The following INTS9 variants were observed in gnomAD, a reference collection of about 807,000 sequenced individuals.
INTS9 encodes the protein integrator complex subunit 9, also known as protein related to CPSF subunits of 74 kDa.
INTS9 carries 55 observed loss-of-function variants against 79.7 expected under a neutral mutation model. The ratio of observed to expected loss-of-function variants is 0.69; its 90% CI spans 0.56 to 0.86. The LOEUF (loss-of-function observed/expected upper bound fraction) is 0.86. Among genes scored for constraint, INTS9 ranks in the 40% least tolerant of loss-of-function variants. The pLI, the probability that INTS9 is intolerant of heterozygous loss-of-function variation, is 0.00. For synonymous variants in INTS9, 319 were observed against 325.2 expected, an observed-to-expected ratio of 0.98 and a Z score of 0.20; for missense variants, 721 against 831.5, an observed-to-expected ratio of 0.87 and a Z score of 1.64.
At position 28,796,792 on chromosome 8, in the gene INTS9, T is replaced by G; in HGVS notation, c.745-137A>C. On this transcript the variant is annotated intron_variant, in intron 8 of 16. Coordinates refer to ENST00000521022, the MANE Select transcript of INTS9 (RefSeq NM_018250.4). ...GAGTTCTCTTATGTTCTCTAAGGAA[T>G]AGTCTGTCCTTAACCACTGGCTGCC... The G allele has an allele frequency of 6.2e-6, 4 of 646,704 alleles. No individual in the cohort carries two copies. The Admixed American group carries it at 9.1e-5, about 15-fold the overall frequency. The allele number at this position is 646,704 out of a possible 1,614,324, so 40.1% of individuals were successfully genotyped here. A position where few individuals can be genotyped will look rare whatever the true frequency, so the allele number is the denominator to read the frequency against.
intron 3 of INTS9, among the ~76,000 whole-genome samples, chr8:28,849,216 G>GTAAA (rs1807691996): frequency 6.6e-6 from 1 of 152,142 alleles, no homozygotes; most frequent in Non-Finnish European, 1.5e-5. Context: ...ACTAAGAATT[G>GTAAA]GCCTGAGGGG....
At chr8:28,855,018 TTCAGTCCTTCTCAC>T (rs1241927700) in intron 2 of INTS9, among the ~76,000 whole-genome samples, 4 of 152,178 alleles carry the variant, frequency 2.6e-5, no homozygotes, top group Non-Finnish European at 1.5e-5. Flanking sequence ...AGCAGGTTCC[TTCAGTCCTTCTCAC>T]CATGAACATC....
chr8:28,775,704 T>C lies in INTS9; in HGVS notation c.1563+55A>G. 18 of 1,579,454 alleles carry C rather than the reference T, an allele frequency of 1.1e-5. 2 individuals carry two copies. In the South Asian group the frequency reaches 2.0e-4, roughly 18 times the overall value. Reference sequence around the variant, plus strand: ...AAAAGAAGGCCACCCCTGCACGATCTCCAAGAGCCTCTGTGGAAAGCTCTA... The same window carrying C: ...AAAAGAAGGCCACCCCTGCACGATCCCCAAGAGCCTCTGTGGAAAGCTCTA... On this transcript the variant is annotated intron_variant, in intron 14 of 16. Transcript: ENST00000521022.
chr8:28,796,491 T>C lies in INTS9; in HGVS notation c.856+53A>G, dbSNP rs1804222005. On this transcript the variant is annotated intron_variant, in intron 9 of 16. Coordinates refer to ENST00000521022, the MANE Select transcript of INTS9 (RefSeq NM_018250.4). ...TTGTAAAATATTATATTTATTATTG[T>C]AAAATAAATGCAAGATAGATCATCC... 4 of 988,488 alleles carry C rather than the reference T, an allele frequency of 4.0e-6. No homozygotes were observed. The East Asian group carries it at 9.8e-5, about 24-fold the overall frequency. The allele number at this position is 988,488 out of a possible 1,614,324, so 61.2% of individuals were successfully genotyped here.
intron 2 of INTS9, among the ~76,000 whole-genome samples, chr8:28,855,493 A>G (rs1808100766): frequency 6.6e-6 from 1 of 152,242 alleles, no homozygotes. Context: ...AGTAACCCCA[A>G]CCTAATCATG....
In INTS9 at chr8:28,845,668, G is replaced by A. The variant is rs138266898; in HGVS notation, c.261+1079C>T. 1.9e-3 allele frequency among the ~76,000 whole-genome samples: 296 copies of A among 152,298 alleles called. 1 individual carries two copies. The highest frequency in any genetic ancestry group is 6.5e-3 in the African/African-American group (272 of 41,566). Reference sequence around the variant, plus strand: ...AGGATTAGGAATCTTCAAACAGATGGGGAATCACCCTACCAATTCCTAAGT... The same window carrying A: ...AGGATTAGGAATCTTCAAACAGATGAGGAATCACCCTACCAATTCCTAAGT... On this transcript the variant is annotated intron_variant, in intron 4 of 16. Transcript: ENST00000521022.
chr8:28,846,609 G>A (rs1170544094), intron 4 of INTS9, 138 bp downstream of exon 4: 1 of 662,358 alleles, frequency 1.5e-6, no homozygotes, highest in Admixed American at 2.5e-5. Context: ...TTTTGGCTGT[G>A]TAACAATGTG....
At chr8:28,853,296 C>A (rs371682631) in intron 2 of INTS9, among the ~76,000 whole-genome samples, 6 of 151,664 alleles carry the variant, frequency 4.0e-5, no homozygotes, top group Admixed American at 3.9e-4. Context: ...GCCTATAATC[C>A]CAGCTACTTG....
Position 28,859,492 on chromosome 8 carries a change from G to A in INTS9, c.81C>T (p.Asp27=). The change falls in exon 2 of 17, where the codon GAC becomes GAT. Residue 27 remains aspartate, a synonymous_variant. Transcript: ENST00000521022. ...LKFKSTTIML[D]CGLDMTSTLN... is the part of the protein sequence containing the mutation. ...GGGTAGAAGTCATGTCCAGTCCGCA[G>A]TCCAACATAATGGTGGTTGATTTGA... 2 of 1,614,164 alleles carry A rather than the reference G, an allele frequency of 1.2e-6. No individual in the cohort carries two copies. The highest frequency in any genetic ancestry group is 1.7e-6 in the Non-Finnish European group (2 of 1,179,994).
chr8:28,787,466 G>C (rs1803674212), intron 11 of INTS9, among the ~76,000 whole-genome samples: 1 of 152,176 alleles, frequency 6.6e-6, no homozygotes, highest in Non-Finnish European at 1.5e-5. Flanking sequence ...AAATGTTCCA[G>C]TATCTGAACT....
chr8:28,821,873 G>A (rs1199086561), intron 6 of INTS9, among the ~76,000 whole-genome samples: 2 of 151,594 alleles, frequency 1.3e-5, no homozygotes, highest in Non-Finnish European at 1.5e-5. Context: ...GAGCTCAAGC[G>A]ATCCTCCTGC....
At chr8:28,832,983 C>A (rs942886267) in intron 6 of INTS9, among the ~76,000 whole-genome samples, 2 of 151,734 alleles carry the variant, frequency 1.3e-5, no homozygotes, top group Non-Finnish European at 2.9e-5. Context: ...GGAGTAACAC[C>A]ACTACCTACC....
At chr8:28,779,660 G>C (rs1360515526) in intron 12 of INTS9, among the ~76,000 whole-genome samples, 1 of 152,194 alleles carries the variant, frequency 6.6e-6, no homozygotes, top group Non-Finnish European at 1.5e-5. Context: ...GCGAACACCT[G>C]CGCATCACCG....
intron 6 of INTS9, among the ~76,000 whole-genome samples, chr8:28,834,917 T>A (rs1189235997): frequency 1.3e-5 from 2 of 152,222 alleles, no homozygotes; most frequent in Admixed American, 6.5e-5. Context: ...ACTCAGGTGA[T>A]CTGCCCATCT....
chr8:28,851,583 G>A (rs1463032534), intron 2 of INTS9, among the ~76,000 whole-genome samples: 1 of 151,732 alleles, frequency 6.6e-6, no homozygotes, highest in Admixed American at 6.6e-5. Flanking sequence ...GACTACAGGT[G>A]CCCGCCACCA....
chr8:28,844,662 T>C (rs867162418), intron 4 of INTS9, among the ~76,000 whole-genome samples: 1 of 151,946 alleles, frequency 6.6e-6, no homozygotes, highest in African/African-American at 2.4e-5. Context: ...CCCTCTGTAC[T>C]AAAAATTCAA....
At chr8:28,887,535 A>G (rs1031652185) in intron 1 of INTS9, among the ~76,000 whole-genome samples, 1 of 152,226 alleles carries the variant, frequency 6.6e-6, no homozygotes, top group Non-Finnish European at 1.5e-5. Context: ...GAAAATGCTA[A>G]ACAAAATGTG....
At chr8:28,771,984 C>T (rs1802568906) in intron 14 of INTS9, among the ~76,000 whole-genome samples, 1 of 152,172 alleles carries the variant, frequency 6.6e-6, no homozygotes, top group Admixed American at 6.5e-5. Context: ...CCTCAGCCTC[C>T]CCAGTAGCTG....
intron 6 of INTS9, among the ~76,000 whole-genome samples, chr8:28,817,597 C>T (rs1376844230): frequency 2.6e-5 from 4 of 152,176 alleles, no homozygotes; most frequent in Non-Finnish European, 1.5e-5. Context: ...GTGATGCCTC[C>T]AGCTTTGTTC....
Sources: allele counts gnomAD v4.1 joint callset (sites outside exome capture counted in the v4.1 genomes callset), GRCh38; gene constraint gnomAD v4.1.1; transcripts MANE v1.5; gene names NCBI Gene and HGNC (gene_info 2026-07-23, HGNC 2026-07-21).